Variants in SLC13A1 observed in about 807,000 individuals in gnomAD.
The protein encoded by SLC13A1 is Na(+)/sulfate cotransporter.
A neutral mutation model predicts 70.0 loss-of-function variants in SLC13A1; 65 were observed. The observed-to-expected ratio is 0.93, with a 90% CI of 0.76 to 1.14. SLC13A1 has a LOEUF of 1.14. Among genes scored for constraint, SLC13A1 ranks in the 50% most tolerant of loss-of-function variants. The pLI is 0.00. For missense variants in SLC13A1, 726 were observed against 717.8 expected (o/e 1.01, Z -0.13); for synonymous variants, 275 against 250.5 (o/e 1.10, Z -0.92).
chr7:123,118,335 T>C (rs1461051242), intron 13 of SLC13A1, among the ~76,000 whole-genome samples: 2 of 152,172 alleles, frequency 1.3e-5, no homozygotes, highest in Non-Finnish European at 2.9e-5. Flanking sequence ...ATTGTACCAA[T>C]ATACACAGCC....
intron 1 of SLC13A1, among the ~76,000 whole-genome samples, chr7:123,194,143 A>T (rs1796092574): frequency 6.6e-6 from 1 of 152,122 alleles, no homozygotes; most frequent in Non-Finnish European, 1.5e-5. Flanking sequence ...ACACAAAGAT[A>T]AAGCAAAACG....
intron 11 of SLC13A1, among the ~76,000 whole-genome samples, chr7:123,123,945 A>G (rs956433048): frequency 2.6e-5 from 4 of 152,118 alleles, no homozygotes; most frequent in African/African-American, 9.7e-5. Context: ...TTTTAAGTTT[A>G]CCAATAAGCT....
At chr7:123,182,808 C>T (rs1360638743) in intron 1 of SLC13A1, among the ~76,000 whole-genome samples, 13 of 151,990 alleles carry the variant, frequency 8.6e-5, no homozygotes, top group Admixed American at 7.9e-4. Flanking sequence ...TATTACCTGG[C>T]CCAGAATACT....
chr7:123,171,834 T>A lies in SLC13A1; in HGVS notation c.299A>T (p.Glu100Val). The change falls in exon 3 of 15, where the codon GAA (glutamate) becomes GTA (valine). Residue 100 changes from glutamate (E) to valine (V), a missense_variant. By Grantham distance (121) the Glu-to-Val change is moderately radical. Transcript: ENST00000194130. ...AATTCTCTTGTGCAAATTCCATTTT[T>A]CTATGGATGTTGCTAAACAGATAAC... ...IGVICLATSI[E>V]KWNLHKRIAL... 4.3e-6 allele frequency: 7 copies of A among 1,613,664 alleles called. No homozygotes were observed. The highest frequency in any genetic ancestry group is 5.9e-6 in the Non-Finnish European group (7 of 1,179,658).
intron 1 of SLC13A1, among the ~76,000 whole-genome samples, chr7:123,197,373 A>G (rs1796219970): frequency 6.6e-6 from 1 of 152,082 alleles, no homozygotes; most frequent in Non-Finnish European, 1.5e-5. Context: ...GTTTTAATTA[A>G]TCTAATATTG....
At chr7:123,175,553 C>T (rs546866310) in intron 2 of SLC13A1, among the ~76,000 whole-genome samples, 25 of 152,188 alleles carry the variant, frequency 1.6e-4, no homozygotes, top group Non-Finnish European at 3.2e-4. Context: ...TGAGAGAGCT[C>T]CCTTGCCCCT....
intron 1 of SLC13A1, chr7:123,190,337 C>A (rs1795953510): frequency 3.0e-6 from 1 of 331,386 alleles, no homozygotes. Flanking sequence ...GATTTCCAAC[C>A]TTGGCCTGGG....
At chr7:123,129,035 A>C in intron 9 of SLC13A1, 89 bp from the exon 10 acceptor site, 3 of 854,962 alleles carry the variant, frequency 3.5e-6, no homozygotes, top group East Asian at 2.6e-5. Flanking sequence ...GAATGATCGC[A>C]GTAGAACACT....
At chr7:123,196,983 C>T (rs754664187) in intron 1 of SLC13A1, among the ~76,000 whole-genome samples, 4 of 152,098 alleles carry the variant, frequency 2.6e-5, no homozygotes, top group Admixed American at 6.6e-5. Context: ...AAATGTAAAA[C>T]GAGAAGCACA....
chr7:123,191,983 C>A (rs1796011678), intron 1 of SLC13A1, among the ~76,000 whole-genome samples: 2 of 152,124 alleles, frequency 1.3e-5, no homozygotes, highest in Non-Finnish European at 2.9e-5. Flanking sequence ...TTATAAAACA[C>A]TAAATCTTTA....
intron 3 of SLC13A1, among the ~76,000 whole-genome samples, chr7:123,170,215 A>G (rs1427421669): frequency 6.6e-6 from 1 of 152,222 alleles, no homozygotes; most frequent in Non-Finnish European, 1.5e-5. Context: ...AAACAGATGT[A>G]CAAGAACAAT....
In SLC13A1 at chr7:123,199,938, G is replaced by A. The variant is rs761472523; in HGVS notation, c.9C>T (p.Phe3=). The part of the protein sequence containing the change: MK[F]FSYILVYRRF... ...GGCGATAAACCAGAATGTAACTGAA[G>A]AATTTCATTGTCCTGAGCAGGTGGC... The change falls in exon 1 of 15, where the codon TTC becomes TTT. Residue 3 remains phenylalanine, a synonymous_variant. Transcript: ENST00000194130. 7 of 1,611,872 alleles carry A rather than the reference G, an allele frequency of 4.3e-6. No individual in the cohort carries two copies. The highest frequency in any genetic ancestry group is 3.3e-4 in the Middle Eastern group (2 of 6,048).
chr7:123,162,505 C>G (rs370314998), intron 6 of SLC13A1, among the ~76,000 whole-genome samples: 1 of 152,022 alleles, frequency 6.6e-6, no homozygotes, highest in East Asian at 1.9e-4. Flanking sequence ...TAAAAGGAAA[C>G]CCTAGGTTGA....
chr7:123,175,008 T>C (rs1398375328), intron 2 of SLC13A1, among the ~76,000 whole-genome samples: 1 of 152,096 alleles, frequency 6.6e-6, no homozygotes, highest in Non-Finnish European at 1.5e-5. Context: ...AATTTATATA[T>C]TGATAATTTC....
At chr7:123,172,494 T>C (rs1167196225) in intron 2 of SLC13A1, among the ~76,000 whole-genome samples, 1 of 152,166 alleles carries the variant, frequency 6.6e-6, no homozygotes, top group Non-Finnish European at 1.5e-5. Flanking sequence ...TAATGGTGCA[T>C]GACTGCAATC....
intron 1 of SLC13A1, among the ~76,000 whole-genome samples, chr7:123,185,779 T>C (rs762589467): frequency 1.3e-5 from 2 of 152,050 alleles, no homozygotes; most frequent in South Asian, 4.1e-4. Flanking sequence ...TTTGTTTCAA[T>C]ACAAATTTTA....
At chr7:123,195,208 G>T (rs2116688661) in intron 1 of SLC13A1, among the ~76,000 whole-genome samples, 1 of 152,090 alleles carries the variant, frequency 6.6e-6, no homozygotes, top group East Asian at 1.9e-4. Flanking sequence ...CTACCACATT[G>T]CTATTAGCAT....
At chr7:123,135,714 A>C (rs938912029) in intron 7 of SLC13A1, among the ~76,000 whole-genome samples, 1 of 151,884 alleles carries the variant, frequency 6.6e-6, no homozygotes, top group Non-Finnish European at 1.5e-5. Context: ...GGCCCTCAAA[A>C]CTCTAGATTT....
intron 7 of SLC13A1, among the ~76,000 whole-genome samples, chr7:123,139,767 C>G (rs1190555689): frequency 1.3e-5 from 2 of 151,900 alleles, no homozygotes; most frequent in Non-Finnish European, 2.9e-5. Context: ...GATTTTATAT[C>G]CTGCAACTTT....
Sources: allele counts gnomAD v4.1 joint callset (sites outside exome capture counted in the v4.1 genomes callset), GRCh38; gene constraint gnomAD v4.1.1; transcripts MANE v1.5; gene names NCBI Gene and HGNC (gene_info 2026-07-23, HGNC 2026-07-21).